NFIC: variants seen among roughly 807,000 people sequenced by gnomAD.
NFIC encodes nuclear factor 1 C-type.
NFIC carries 12 observed loss-of-function variants against 54.4 expected under a neutral mutation model. That is an observed-to-expected ratio of 0.22 (90% CI 0.14 to 0.36). NFIC has a LOEUF of 0.36. Ranked by LOEUF, NFIC falls within the 10% of genes least tolerant of loss-of-function variation. NFIC has a pLI of 1.00. For synonymous variants in NFIC, 322 were observed against 319.2 expected, an observed-to-expected ratio of 1.01 and a Z score of -0.09; for missense variants, 575 against 718.2, an observed-to-expected ratio of 0.80 and a Z score of 2.28.
chr19:3,409,758 C>T (rs2081721468), intron 2 of NFIC, among the ~76,000 whole-genome samples: 2 of 152,234 alleles, frequency 1.3e-5, no homozygotes, highest in Non-Finnish European at 2.9e-5. Flanking sequence ...TGTGTCCGCC[C>T]CGTCAGTGCC....
At position 3,456,821 on chromosome 19, in the gene NFIC, C is replaced by T. The variant is rs1268078149; in HGVS notation, c.1509+186C>T. On this transcript the variant is annotated intron_variant, in intron 10 of 10. Transcript: ENST00000443272. The stretch of plus-strand genomic sequence containing the variant: ...CTCTCCCTGAGGCCAAATTTCCCTC[C>T]ACCTTGGTCCTGGGGGGATGGGGTG... 4 of 634,784 alleles carry T rather than the reference C, an allele frequency of 6.3e-6. No individual in the cohort carries two copies. The Admixed American group carries it at 7.9e-5, about 13-fold the overall frequency. The allele number at this position is 634,784 out of a possible 1,614,324, so 39.3% of individuals were successfully genotyped here.
At chr19:3,451,812 TA>T (rs57508399) in intron 7 of NFIC, among the ~76,000 whole-genome samples, 212 of 133,502 alleles carry the variant, frequency 1.6e-3, no homozygotes, top group Admixed American at 1.8e-3. Context: ...ATCCTCTGTT[TA>T]AAAAAAAAAA....
At chr19:3,416,896 T>C (rs909740736) in intron 2 of NFIC, among the ~76,000 whole-genome samples, 2 of 150,122 alleles carry the variant, frequency 1.3e-5, no homozygotes, top group Non-Finnish European at 3.0e-5. Flanking sequence ...CTTTTTTTTT[T>C]TTTTTGAGAT....
At chr19:3,408,192 G>T (rs1416186008) in intron 2 of NFIC, among the ~76,000 whole-genome samples, 1 of 152,182 alleles carries the variant, frequency 6.6e-6, no homozygotes, top group Non-Finnish European at 1.5e-5. Context: ...AGGTCCAGCA[G>T]ATGCCCTGCT....
intron 2 of NFIC, 114 bp from the exon 3 acceptor site, chr19:3,424,988 CTGTT>C (rs1568440312): frequency 4.8e-6 from 5 of 1,032,982 alleles, no homozygotes; most frequent in Non-Finnish European, 7.1e-6. Context: ...TTTGGGGCCA[CTGTT>C]TGTCTCCATA....
intron 2 of NFIC, among the ~76,000 whole-genome samples, chr19:3,404,351 G>C (rs909146012): frequency 4.6e-5 from 7 of 152,160 alleles, no homozygotes; most frequent in Non-Finnish European, 1.0e-4. Context: ...TGTGCGTGCG[G>C]GTATTTTTAA....
At chr19:3,367,830 G>A (rs2080924898) in intron 1 of NFIC, among the ~76,000 whole-genome samples, 2 of 152,296 alleles carry the variant, frequency 1.3e-5, no homozygotes, top group African/African-American at 4.8e-5. Flanking sequence ...CCCGTCTTAA[G>A]AAGCACTGTG....
At chr19:3,404,860 A>T (rs2081619438) in intron 2 of NFIC, among the ~76,000 whole-genome samples, 1 of 152,076 alleles carries the variant, frequency 6.6e-6, no homozygotes, top group Non-Finnish European at 1.5e-5. Context: ...CCCAGGCCGG[A>T]CACCCACAAA....
intron 1 of NFIC, among the ~76,000 whole-genome samples, chr19:3,378,766 C>T (rs939643980): frequency 6.6e-6 from 1 of 152,178 alleles, no homozygotes; most frequent in African/African-American, 2.4e-5. Context: ...GGGGTGGCCC[C>T]TCTCCCCAGT....
intron 2 of NFIC, among the ~76,000 whole-genome samples, chr19:3,387,644 T>G (rs1599592381): frequency 1.4e-5 from 2 of 146,880 alleles, no homozygotes; most frequent in African/African-American, 2.5e-5. Context: ...TTGAAGGGGG[T>G]GAGGGAGTCT....
rs11388112 is a variant in NFIC, at chr19:3,466,223, C to CT, written c.*3465dup. ...GTCCTTGATTTTATTTTCTTTTGTT[C>CT]TTTTTTTTTTTCTTTTCTTTTTGTT... On this transcript the variant is annotated 3_prime_UTR_variant, in exon 11 of 11. Coordinates refer to ENST00000443272, the MANE Select transcript of NFIC (RefSeq NM_001245002.2). The surrounding 1 kb of genome is among the most constrained non-coding windows in gnomAD (Gnocchi z 4.8). 0.52 allele frequency: 76,298 copies of CT among 147,612 alleles called. 20,955 individuals carry two copies. The highest frequency in any genetic ancestry group is 0.74 in the East Asian group (3,714 of 5,052). The allele number at this position is 147,612 out of a possible 1,614,324, so 9.1% of individuals were successfully genotyped here.
In NFIC at chr19:3,369,986, C is replaced by T. The variant is rs1445965292; in HGVS notation, c.30+3320C>T. Among the ~76,000 whole-genome samples, 1 of 152,228 alleles carries T rather than the reference C, an allele frequency of 6.6e-6. No homozygotes were observed. The highest frequency in any genetic ancestry group is 2.4e-5 in the African/African-American group (1 of 41,474). On this transcript the variant is annotated intron_variant, in intron 1 of 10. Coordinates refer to ENST00000443272, the MANE Select transcript of NFIC (RefSeq NM_001245002.2). The surrounding 1 kb of genome is among the most constrained non-coding windows in gnomAD (Gnocchi z 4.3). ...GCTGGGAGAGGCTGTCCTCCCACCCCAGACCCCCGACCTTTGTTGGATTTT... is the reference window on the plus strand; with the variant it reads ...GCTGGGAGAGGCTGTCCTCCCACCCTAGACCCCCGACCTTTGTTGGATTTT...
Position 3,439,333 on chromosome 19 carries a change from CAAAAAAAAAAAAAAAAAAAAAAAA to C in NFIC, c.958+4145_958+4168del, listed in dbSNP as rs539916342. 1.3e-3 allele frequency among the ~76,000 whole-genome samples: 31 copies of C among 23,322 alleles called. 1 individual carries two copies. The highest frequency in any genetic ancestry group is 3.5e-3 in the Admixed American group (5 of 1,440). 15.3% of individuals were successfully genotyped at this position (23,322 alleles called of 152,430 possible). On this transcript the variant is annotated intron_variant, in intron 6 of 10. Transcript: ENST00000443272. Reference sequence around the variant, plus strand: ...GGGGCAACAGAGAAAGACCCTGTCTCAAAAAAAAAAAAAAAAAAAAAAAAAAAAAAAAAAAAAAAAAAGGCTCAC... The same window carrying C: ...GGGGCAACAGAGAAAGACCCTGTCTCAAAAAAAAAAAAAAAAAAGGCTCAC...
intron 10 of NFIC, chr19:3,456,839 A>T (rs1286395402): frequency 8.3e-6 from 5 of 604,172 alleles, no homozygotes; most frequent in Middle Eastern, 2.6e-4. Context: ...TCCTGGGGGG[A>T]TGGGGTGTGG....
chr19:3,410,281 G>A (rs1339956898), intron 2 of NFIC, among the ~76,000 whole-genome samples: 1 of 152,144 alleles, frequency 6.6e-6, no homozygotes, highest in African/African-American at 2.4e-5. Context: ...TCCAGAACCA[G>A]AGCCTCTCAA....
intron 3 of NFIC, among the ~76,000 whole-genome samples, chr19:3,433,136 A>G (rs2082147591): frequency 6.6e-6 from 1 of 151,734 alleles, no homozygotes; most frequent in African/African-American, 2.4e-5. Flanking sequence ...GGCTAATTTT[A>G]ACACTTTTTG....
Position 3,453,724 on chromosome 19 carries a change from G to T in NFIC, c.1270-39G>T. 2 of 1,572,770 alleles carry T rather than the reference G, an allele frequency of 1.3e-6. No homozygotes were observed. The highest frequency in any genetic ancestry group is 1.7e-6 in the Non-Finnish European group (2 of 1,164,086). ...GCGCCAGCAGCCCGAGGTAGAGGGGGAGCCCACCCCTTAACCACGTGTCTC... is the reference window on the plus strand; with the variant it reads ...GCGCCAGCAGCCCGAGGTAGAGGGGTAGCCCACCCCTTAACCACGTGTCTC... On this transcript the variant is annotated intron_variant, in intron 8 of 10. Coordinates refer to ENST00000443272, the MANE Select transcript of NFIC (RefSeq NM_001245002.2). This position sits in a 1 kb window ranked among gnomAD's most constrained non-coding sequence, Gnocchi z 6.7.
chr19:3,444,655 A>G (rs1047630868), intron 6 of NFIC, among the ~76,000 whole-genome samples: 1 of 152,204 alleles, frequency 6.6e-6, no homozygotes. Context: ...CGGTGCCTGC[A>G]GGGATGTGGC....
intron 3 of NFIC, among the ~76,000 whole-genome samples, chr19:3,426,463 CAG>C (rs1426061342): frequency 6.6e-6 from 1 of 152,108 alleles, no homozygotes; most frequent in African/African-American, 2.4e-5. Context: ...TCACTTAGAC[CAG>C]AGCAGTCACT....
Sources: allele counts gnomAD v4.1 joint callset (sites outside exome capture counted in the v4.1 genomes callset), GRCh38; gene constraint gnomAD v4.1.1; non-coding constraint Gnocchi (gnomAD v3.1); transcripts MANE v1.5; gene names NCBI Gene and HGNC (gene_info 2026-07-23, HGNC 2026-07-21).